SPICE1: variants seen among roughly 807,000 people sequenced by gnomAD.
The protein encoded by SPICE1 is spindle and centriole associated protein 1.
In SPICE1, 75 loss-of-function variants were observed where a neutral mutation model predicts 102.7. The ratio of observed to expected loss-of-function variants is 0.73; its 90% confidence interval spans 0.61 to 0.88. The LOEUF (loss-of-function observed/expected upper bound fraction) is 0.88. Among genes scored for constraint, SPICE1 ranks in the 40% least tolerant of loss-of-function variants. SPICE1 has a pLI of 0.00. For synonymous variants in SPICE1, 308 were observed against 350.3 expected (o/e 0.88, Z 1.35); for missense variants, 979 against 1,020.1 (o/e 0.96, Z 0.55).
Position 113,468,188 on chromosome 3 carries a change from G to A in SPICE1, c.1106C>T (p.Thr369Ile), listed in dbSNP as rs1478574599. The A allele has an allele frequency of 6.2e-7, 1 of 1,614,166 alleles. No homozygotes were observed. Among genetic ancestry groups the A allele is most frequent in the Non-Finnish European group, 8.5e-7 (1 of 1,180,028 alleles). Residue 369 changes from threonine (T) to isoleucine (I), a missense_variant, in exon 10 of 18, where the codon ACT (threonine) becomes ATT (isoleucine). By Grantham distance (89) the Thr-to-Ile change is moderately conservative. Coordinates refer to ENST00000295872, the MANE Select transcript of SPICE1 (RefSeq NM_144718.4). ...LQSSQGLTGF[T>I]LSLVSSLCRL... Reference sequence around the variant, plus strand: ...ACAGAGGGAGCTCACCAGCGACAAAGTGAAGCCTGTAAGACCCTGACTGCT... The same window carrying A: ...ACAGAGGGAGCTCACCAGCGACAAAATGAAGCCTGTAAGACCCTGACTGCT...
intron 7 of SPICE1, among the ~76,000 whole-genome samples, chr3:113,484,846 T>A (rs955218230): frequency 2.6e-5 from 4 of 152,168 alleles, no homozygotes; most frequent in Admixed American, 6.5e-5. Flanking sequence ...TTCTGTTGAT[T>A]TGGGGTGGAG....
chr3:113,499,322 T>C (rs976105497), intron 4 of SPICE1, 117 bp downstream of exon 4: 10 of 1,131,578 alleles, frequency 8.8e-6, no homozygotes, highest in African/African-American at 4.7e-5. Context: ...ATGTAGATTA[T>C]TGAATAAGAA....
intron 7 of SPICE1, among the ~76,000 whole-genome samples, chr3:113,475,537 A>T (rs1477273053): frequency 6.6e-6 from 1 of 152,100 alleles, no homozygotes; most frequent in Non-Finnish European, 1.5e-5. Flanking sequence ...AATCCTCAAT[A>T]AAATACTGGC....
intron 4 of SPICE1, among the ~76,000 whole-genome samples, chr3:113,497,436 A>C (rs766255233): frequency 3.9e-5 from 6 of 152,156 alleles, no homozygotes; most frequent in Non-Finnish European, 8.8e-5. Flanking sequence ...GTACATCTAT[A>C]TGCTAATGGC....
At chr3:113,492,253 T>C (rs1467274606) in intron 6 of SPICE1, among the ~76,000 whole-genome samples, 3 of 152,280 alleles carry the variant, frequency 2.0e-5, no homozygotes, top group South Asian at 2.1e-4. Flanking sequence ...TGAAACAATA[T>C]AATTAATATA....
intron 7 of SPICE1, among the ~76,000 whole-genome samples, chr3:113,482,986 T>C (rs1013222497): frequency 1.3e-5 from 2 of 152,238 alleles, no homozygotes; most frequent in South Asian, 2.1e-4. Flanking sequence ...ATCTATAAAT[T>C]ACTTTGGGCA....
chr3:113,483,637 T>C (rs1041489358), intron 7 of SPICE1, among the ~76,000 whole-genome samples: 2 of 152,222 alleles, frequency 1.3e-5, no homozygotes, highest in South Asian at 2.1e-4. Context: ...AGGTTAATCA[T>C]GTGATTTTTG....
intron 7 of SPICE1, among the ~76,000 whole-genome samples, chr3:113,472,912 A>G (rs1936241958): frequency 6.6e-6 from 1 of 152,238 alleles, no homozygotes; most frequent in African/African-American, 2.4e-5. Flanking sequence ...GTTCCTCACT[A>G]CCAACGGAAC....
chr3:113,510,933 A>G (rs1026693706), intron 1 of SPICE1, among the ~76,000 whole-genome samples: 1 of 152,194 alleles, frequency 6.6e-6, no homozygotes, highest in African/African-American at 2.4e-5. Flanking sequence ...AAACAACCCC[A>G]TTAATAAGTG....
chr3:113,510,385 C>T (rs1248971424), intron 1 of SPICE1, among the ~76,000 whole-genome samples: 1 of 152,182 alleles, frequency 6.6e-6, no homozygotes, highest in East Asian at 1.9e-4. Context: ...TACAAGGCTA[C>T]AGTAACCAAA....
At position 113,468,346 on chromosome 3, in the gene SPICE1, A is replaced by G; in HGVS notation, c.948T>C (p.Gly316=). 6.2e-7 allele frequency: 1 copy of G among 1,614,164 alleles called. No homozygotes were observed. Among genetic ancestry groups the G allele is most frequent in the Non-Finnish European group, 8.5e-7 (1 of 1,180,024 alleles). The change falls in exon 10 of 18, where the codon GGT becomes GGC. Residue 316 remains glycine, a synonymous_variant. Coordinates refer to ENST00000295872, the MANE Select transcript of SPICE1 (RefSeq NM_144718.4). The part of the protein sequence containing the change: ...LSKPKKNISS[G]STTSADLPNR... ...TTGGTAAGTCTGCAGAGGTTGTGCT[A>G]CCTGATGATATGTTTTTCTTCGGCT...
chr3:113,486,188 C>A lies in SPICE1; in HGVS notation c.611+2757G>T, dbSNP rs1464028863. Among the ~76,000 whole-genome samples, 6 of 140,620 alleles carry A rather than the reference C, an allele frequency of 4.3e-5. No homozygotes were observed. In the East Asian group the frequency reaches 1.3e-3, roughly 31 times the overall value. 92.3% of individuals were successfully genotyped at this position (140,620 alleles called of 152,430 possible). A position where few individuals can be genotyped will look rare whatever the true frequency, so the allele number is the denominator to read the frequency against. On this transcript the variant is annotated intron_variant, in intron 7 of 17. Transcript: ENST00000295872. ...ATATATATATAGTATATCAAATATA[C>A]TGTAGTTTATTTGACCATTCTCATA... is the stretch of plus-strand genomic sequence containing the variant.
intron 1 of SPICE1, among the ~76,000 whole-genome samples, chr3:113,511,954 G>A (rs926469739): frequency 6.6e-6 from 1 of 152,094 alleles, no homozygotes; most frequent in African/African-American, 2.4e-5. Context: ...GGTTACCTCT[G>A]TTTGCTTTTA....
At chr3:113,481,030 T>G (rs76919421) in intron 7 of SPICE1, among the ~76,000 whole-genome samples, 6,515 of 148,376 alleles carry the variant, frequency 0.044, 169 homozygotes, top group East Asian at 0.11. Flanking sequence ...CTATCTCCAT[T>G]ATTATTGAAC....
At chr3:113,464,256 GTTTT>G (rs1186073353) in intron 11 of SPICE1, among the ~76,000 whole-genome samples, 2 of 127,936 alleles carry the variant, frequency 1.6e-5, no homozygotes, top group East Asian at 2.2e-4. Context: ...GTTTTTTGTT[GTTTT>G]TTTTTTTTTT....
At chr3:113,502,126 A>G (rs1464728793) in intron 3 of SPICE1, among the ~76,000 whole-genome samples, 2 of 152,246 alleles carry the variant, frequency 1.3e-5, no homozygotes, top group African/African-American at 2.4e-5. Context: ...CTATAATACC[A>G]GCACTTTGGG....
At chr3:113,509,840 A>G (rs989765774) in intron 1 of SPICE1, among the ~76,000 whole-genome samples, 1 of 152,128 alleles carries the variant, frequency 6.6e-6, no homozygotes, top group African/African-American at 2.4e-5. Context: ...CATGATAGTG[A>G]ATTCTCATGA....
At chr3:113,503,577 TC>T (rs1184653755) in intron 2 of SPICE1, among the ~76,000 whole-genome samples, 1 of 152,216 alleles carries the variant, frequency 6.6e-6, no homozygotes, top group African/African-American at 2.4e-5. Flanking sequence ...GTTTTAGTTT[TC>T]ACACTGTAGT....
At chr3:113,453,384 A>G in intron 14 of SPICE1, 82 bp downstream of exon 14, 1 of 1,498,942 alleles carries the variant, frequency 6.7e-7, no homozygotes, top group South Asian at 1.4e-5. Context: ...TCACTTCTGA[A>G]AAGAAGTTTC....
Sources: allele counts gnomAD v4.1 joint callset (sites outside exome capture counted in the v4.1 genomes callset), GRCh38; gene constraint gnomAD v4.1.1; transcripts MANE v1.5; gene names NCBI Gene and HGNC (gene_info 2026-07-23, HGNC 2026-07-21).